Variants in ASAP1 observed in about 807,000 individuals in gnomAD.
The protein encoded by ASAP1 is arf-GAP with SH3 domain, ANK repeat and PH domain-containing protein 1.
In ASAP1, 43 loss-of-function variants were observed where a neutral mutation model predicts 145.2. The observed-to-expected ratio is 0.30, with a 90% CI of 0.23 to 0.38. The LOEUF (loss-of-function observed/expected upper bound fraction) is 0.38, where lower values mean the gene tolerates loss of function less well. Among genes scored for constraint, ASAP1 ranks in the 10% least tolerant of loss-of-function variants. The pLI, the probability that ASAP1 is intolerant of heterozygous loss-of-function variation, is 1.00. For missense variants in ASAP1, 1,018 were observed against 1,355.3 expected, an observed-to-expected ratio of 0.75 and a Z score of 3.91; for synonymous variants, 546 against 515.5, an observed-to-expected ratio of 1.06 and a Z score of -0.80.
intron 3 of ASAP1, among the ~76,000 whole-genome samples, chr8:130,322,925 A>T (rs962136843): frequency 6.6e-6 from 1 of 152,252 alleles, no homozygotes; most frequent in Non-Finnish European, 1.5e-5. Flanking sequence ...TGTCGGATGG[A>T]ACTTTCTAAC....
chr8:130,410,405 G>A (rs537284679), intron 1 of ASAP1, among the ~76,000 whole-genome samples: 11 of 152,056 alleles, frequency 7.2e-5, no homozygotes, highest in Non-Finnish European at 1.0e-4. Flanking sequence ...AGAGAACAAC[G>A]AAATAAACTT....
chr8:130,363,058 G>A (rs1216660891), intron 2 of ASAP1, among the ~76,000 whole-genome samples: 1 of 152,166 alleles, frequency 6.6e-6, no homozygotes, highest in Non-Finnish European at 1.5e-5. Flanking sequence ...TCTCCTCTCT[G>A]AGTCTCAGTT....
chr8:130,296,525 T>TC (rs1822287515), intron 3 of ASAP1, among the ~76,000 whole-genome samples: 1 of 147,920 alleles, frequency 6.8e-6, no homozygotes, highest in African/African-American at 2.5e-5. Context: ...TTTTTTTTTT[T>TC]CCCATTTGCT....
chr8:130,172,126 C>T (rs1813632793), intron 9 of ASAP1, among the ~76,000 whole-genome samples: 1 of 152,158 alleles, frequency 6.6e-6, no homozygotes, highest in Admixed American at 6.5e-5. Flanking sequence ...ACAGATAGGA[C>T]ATGTGAAACT....
intron 3 of ASAP1, among the ~76,000 whole-genome samples, chr8:130,304,976 C>T (rs1159360798): frequency 1.3e-5 from 2 of 151,926 alleles, no homozygotes; most frequent in East Asian, 3.9e-4. Flanking sequence ...ACCTTTCCAA[C>T]CTCTTCTTCC....
At chr8:130,293,351 TA>T (rs1293327877) in intron 3 of ASAP1, among the ~76,000 whole-genome samples, 2 of 152,230 alleles carry the variant, frequency 1.3e-5, no homozygotes, top group Non-Finnish European at 2.9e-5. Flanking sequence ...CCCCACCAGG[TA>T]AGACTGGATT....
chr8:130,227,889 T>A (rs1220262710), intron 4 of ASAP1, among the ~76,000 whole-genome samples: 2 of 152,162 alleles, frequency 1.3e-5, no homozygotes, highest in African/African-American at 4.8e-5. Context: ...ATGTTAGCTG[T>A]ATCTGAAGAC....
chr8:130,103,329 T>C (rs954137489), intron 24 of ASAP1, among the ~76,000 whole-genome samples: 1 of 152,044 alleles, frequency 6.6e-6, no homozygotes, highest in African/African-American at 2.4e-5. Flanking sequence ...CTTGTCAATT[T>C]TTTTCATCTT....
At chr8:130,141,616 T>C (rs1416062321) in intron 13 of ASAP1, among the ~76,000 whole-genome samples, 2 of 152,192 alleles carry the variant, frequency 1.3e-5, no homozygotes, top group Non-Finnish European at 2.9e-5. Flanking sequence ...AGCAAGATCA[T>C]GGCTCATGGC....
In ASAP1 at chr8:130,060,690, G is replaced by C; in HGVS notation, c.3081C>G (p.Ser1027=). The change falls in exon 28 of 30, where the codon TCC becomes TCG. Residue 1027 remains serine, a synonymous_variant. Transcript: ENST00000518721. ...VTLKSHPLDL[S]PNVQSRDAIQ... ...TGGCGTCTCTGGACTGCACATTTGGGGATAGATCCAATGGGTGTGACTTCA... is the reference window on the plus strand; with the variant it reads ...TGGCGTCTCTGGACTGCACATTTGGCGATAGATCCAATGGGTGTGACTTCA... 1 of 1,614,132 alleles carries C rather than the reference G, an allele frequency of 6.2e-7. No individual in the cohort carries two copies. Among genetic ancestry groups the C allele is most frequent in the South Asian group, 1.1e-5 (1 of 91,080 alleles).
At chr8:130,095,384 TC>T (rs1307783851) in intron 24 of ASAP1, among the ~76,000 whole-genome samples, 2 of 138,508 alleles carry the variant, frequency 1.4e-5, no homozygotes, top group African/African-American at 2.7e-5. Context: ...CACCGTGACC[TC>T]CCCCTCCTGG....
intron 11 of ASAP1, among the ~76,000 whole-genome samples, chr8:130,164,989 G>A (rs2097676931): frequency 6.6e-6 from 1 of 152,180 alleles, no homozygotes; most frequent in African/African-American, 2.4e-5. Context: ...ATTCTGCAAT[G>A]AGTGATGATA....
chr8:130,371,720 G>C (rs1438098195), intron 2 of ASAP1, among the ~76,000 whole-genome samples: 2 of 152,192 alleles, frequency 1.3e-5, no homozygotes, highest in Non-Finnish European at 2.9e-5. Flanking sequence ...ATGATAAAGA[G>C]AGTAGAACCA....
intron 7 of ASAP1, among the ~76,000 whole-genome samples, chr8:130,181,138 T>C (rs963614126): frequency 2.0e-5 from 3 of 152,186 alleles, no homozygotes; most frequent in East Asian, 1.9e-4. Flanking sequence ...ACCACACTCA[T>C]GTCTTCCCGT....
intron 12 of ASAP1, among the ~76,000 whole-genome samples, chr8:130,159,545 TC>T (rs1300751348): frequency 2.7e-5 from 3 of 111,694 alleles, no homozygotes; most frequent in Admixed American, 1.1e-4. Flanking sequence ...TGGCGTGAAC[TC>T]AGGAAAAAAA....
chr8:130,350,723 G>A (rs921193080), intron 3 of ASAP1, among the ~76,000 whole-genome samples: 2 of 152,240 alleles, frequency 1.3e-5, no homozygotes, highest in South Asian at 4.1e-4. Flanking sequence ...GCAAACGCCA[G>A]AGTAGATATT....
At chr8:130,278,448 G>C (rs971785714) in intron 3 of ASAP1, among the ~76,000 whole-genome samples, 2 of 152,056 alleles carry the variant, frequency 1.3e-5, no homozygotes, top group Non-Finnish European at 1.5e-5. Flanking sequence ...CATCAACAGC[G>C]TCAGGGTGGA....
chr8:130,316,548 T>C (rs967738776), intron 3 of ASAP1, among the ~76,000 whole-genome samples: 1 of 152,244 alleles, frequency 6.6e-6, no homozygotes, highest in African/African-American at 2.4e-5. Context: ...CTAGTGTTAT[T>C]TATATGGGTT....
At chr8:130,123,775 C>T (rs1446271113) in intron 18 of ASAP1, among the ~76,000 whole-genome samples, 1 of 152,012 alleles carries the variant, frequency 6.6e-6, no homozygotes, top group Non-Finnish European at 1.5e-5. Flanking sequence ...TACAAAGTGC[C>T]TGCCACCACG....
Sources: gnomAD v4.1 joint callset for allele counts (sites outside exome capture counted in the v4.1 genomes callset) on GRCh38, gnomAD v4.1.1 for gene constraint, MANE v1.5 for transcripts, NCBI Gene and HGNC (gene_info 2026-07-23, HGNC 2026-07-21) for gene names.